Variants in LRP12 observed in about 807,000 individuals in gnomAD.
LRP12 encodes LDL receptor related protein 12.
In LRP12, 14 loss-of-function variants were observed where a neutral mutation model predicts 66.0. The observed-to-expected ratio is 0.21, with a 90% CI of 0.14 to 0.33. The LOEUF (loss-of-function observed/expected upper bound fraction) is 0.33, where lower values mean the gene tolerates loss of function less well. LRP12 is among the 10% of genes least tolerant of loss of function. The pLI is 1.00. For missense variants in LRP12, 889 were observed against 1,053.4 expected (o/e 0.84, Z 2.16); for synonymous variants, 357 against 359.1 (o/e 0.99, Z 0.07).
chr8:104,546,727 T>C (rs922565376), intron 1 of LRP12, among the ~76,000 whole-genome samples: 3 of 151,770 alleles, frequency 2.0e-5, no homozygotes, highest in East Asian at 3.9e-4. Context: ...TGTACATCTA[T>C]TTCTGCATAC....
chr8:104,542,469 G>A (rs1256080164), intron 1 of LRP12, among the ~76,000 whole-genome samples: 1 of 152,088 alleles, frequency 6.6e-6, no homozygotes, highest in African/African-American at 2.4e-5. Flanking sequence ...TGTCTTGATA[G>A]TGCCCTTTGA....
At chr8:104,525,558 T>C (rs1459321208) in intron 2 of LRP12, among the ~76,000 whole-genome samples, 2 of 152,184 alleles carry the variant, frequency 1.3e-5, no homozygotes, top group East Asian at 1.9e-4. Context: ...CTTAATACTA[T>C]GCCTAATAAG....
chr8:104,559,199 C>G (rs1180080924), intron 1 of LRP12, among the ~76,000 whole-genome samples: 1 of 152,086 alleles, frequency 6.6e-6, no homozygotes, highest in Non-Finnish European at 1.5e-5. Flanking sequence ...AATGAGGAAC[C>G]AGTGCAAAGT....
At chr8:104,505,083 T>C (rs1342977982) in intron 3 of LRP12, 1 of 152,236 alleles carries the variant, frequency 6.6e-6, no homozygotes, top group African/African-American at 2.4e-5. Context: ...AGTGGTGCAT[T>C]CATGGCTCAC....
In LRP12 at chr8:104,561,331, T is replaced by C. The variant is rs1451060167; in HGVS notation, c.79+27488A>G. Among the ~76,000 whole-genome samples the C allele has an allele frequency of 2.6e-5, 4 of 152,156 alleles. No homozygotes were observed. The East Asian group carries it at 7.7e-4, about 29-fold the overall frequency. ...CAGAAGAAGACATACACTGTCTCCT[T>C]ACCCTACTTTTCATAAGACTCAGAT... On this transcript the variant is annotated intron_variant, in intron 1 of 6. Coordinates refer to ENST00000276654, the MANE Select transcript of LRP12 (RefSeq NM_013437.5).
intron 4 of LRP12, 52 bp downstream of exon 4, chr8:104,499,265 G>T: frequency 7.3e-7 from 1 of 1,372,160 alleles, no homozygotes; most frequent in Admixed American, 1.8e-5. Flanking sequence ...AAGTGACAGA[G>T]CAGTTAATAC....
intron 1 of LRP12, among the ~76,000 whole-genome samples, chr8:104,581,690 A>G (rs1286738596): frequency 2.6e-5 from 4 of 152,180 alleles, no homozygotes; most frequent in Non-Finnish European, 2.9e-5. Flanking sequence ...ATATGATTCA[A>G]TCAGGACAAG....
chr8:104,537,662 G>C (rs538610167), intron 1 of LRP12, among the ~76,000 whole-genome samples: 1 of 152,164 alleles, frequency 6.6e-6, no homozygotes. Context: ...TTGCCAGTGG[G>C]AATATAAAAT....
intron 3 of LRP12, among the ~76,000 whole-genome samples, chr8:104,501,358 T>A (rs1458299828): frequency 1.3e-5 from 2 of 152,062 alleles, no homozygotes; most frequent in Admixed American, 1.3e-4. Context: ...CTGTGAAGTA[T>A]CTGTTCATGT....
At chr8:104,548,330 A>G (rs1195932353) in intron 1 of LRP12, among the ~76,000 whole-genome samples, 2 of 8,680 alleles carry the variant, frequency 2.3e-4, no homozygotes, top group Non-Finnish European at 3.2e-4. Flanking sequence ...TATAATATAT[A>G]TTATATAAAT....
chr8:104,576,487 C>G (rs542445767), intron 1 of LRP12, among the ~76,000 whole-genome samples: 1 of 152,194 alleles, frequency 6.6e-6, no homozygotes, highest in African/African-American at 2.4e-5. Context: ...GAAATTCCAG[C>G]CCAGAATTTC....
chr8:104,565,721 T>C lies in LRP12; in HGVS notation c.79+23098A>G, dbSNP rs58468152. Among the ~76,000 whole-genome samples the C allele has an allele frequency of 5.9e-3, 897 of 150,880 alleles. 10 individuals are homozygous for C. The highest frequency in any genetic ancestry group is 0.02 in the African/African-American group (843 of 41,126). ...TAAAAATACAAAAAAATTAGCCAGG[T>C]GTGGTGGTGGGCGCCTGTAGTCCCA... On this transcript the variant is annotated intron_variant, in intron 1 of 6. Transcript: ENST00000276654.
rs558052323 is a variant in LRP12 at position 104,554,815 on chromosome 8, C to T, written c.80-22852G>A. ...TCATAAAAAGATCATCACCTAGGCA[C>T]ACAGTCATCAGGTTATCTAAAGTCA... is the stretch of plus-strand genomic sequence containing the variant. On this transcript the variant is annotated intron_variant, in intron 1 of 6. Coordinates refer to ENST00000276654, the MANE Select transcript of LRP12 (RefSeq NM_013437.5). Among the ~76,000 whole-genome samples the T allele has an allele frequency of 9.9e-5, 15 of 152,216 alleles. No homozygotes were observed. The South Asian group carries it at 3.1e-3, about 32-fold the overall frequency.
chr8:104,526,952 T>C (rs1400129550), intron 2 of LRP12, among the ~76,000 whole-genome samples: 2 of 147,364 alleles, frequency 1.4e-5, no homozygotes, highest in Non-Finnish European at 2.9e-5. Context: ...AGGGCTAATA[T>C]CCAGAATCTA....
intron 2 of LRP12, among the ~76,000 whole-genome samples, chr8:104,525,220 G>T (rs577233074): frequency 2.0e-5 from 3 of 151,946 alleles, no homozygotes; most frequent in Non-Finnish European, 4.4e-5. Flanking sequence ...TATATGAAGA[G>T]AGATTTAAAA....
rs747342884 is a variant in LRP12, at chr8:104,496,956, C to G, written c.1580+16G>C. On this transcript the variant is annotated intron_variant, in intron 5 of 6. Coordinates refer to ENST00000276654, the MANE Select transcript of LRP12 (RefSeq NM_013437.5). ...CTGCTTTTATTGAGGCCCAATAGTT[C>G]TGTCTTGATACTGACCTTCTTTCAA... The G allele has an allele frequency of 6.7e-7, 1 of 1,499,050 alleles. No homozygotes were observed. The highest frequency in any genetic ancestry group is 8.9e-7 in the Non-Finnish European group (1 of 1,124,634). The allele number at this position is 1,499,050 out of a possible 1,614,324, so 92.9% of individuals were successfully genotyped here. A position where few individuals can be genotyped will look rare whatever the true frequency, so the allele number is the denominator to read the frequency against.
intron 1 of LRP12, among the ~76,000 whole-genome samples, chr8:104,532,234 A>G (rs1178837278): frequency 3.9e-5 from 6 of 152,066 alleles, no homozygotes; most frequent in Non-Finnish European, 8.8e-5. Context: ...TTTTCTATCA[A>G]TTAATAATCA....
intron 3 of LRP12, chr8:104,508,607 A>C (rs1810943287): frequency 5.4e-6 from 1 of 186,714 alleles, no homozygotes; most frequent in African/African-American, 2.4e-5. Context: ...AAGTGAATTA[A>C]TGAGTTTTGT....
chr8:104,542,522 T>G (rs543332338), intron 1 of LRP12, among the ~76,000 whole-genome samples: 1 of 152,180 alleles, frequency 6.6e-6, no homozygotes, highest in South Asian at 2.1e-4. Context: ...AATTTACCTA[T>G]GTCTTCTTTT....
Sources: allele counts gnomAD v4.1 joint callset (sites outside exome capture counted in the v4.1 genomes callset), GRCh38; gene constraint gnomAD v4.1.1; transcripts MANE v1.5; gene names NCBI Gene and HGNC (gene_info 2026-07-23, HGNC 2026-07-21).